The following TAFA1 variants were observed in gnomAD, a reference collection of about 807,000 sequenced individuals.
TAFA1 encodes chemokine-like protein TAFA-1.
Under a neutral mutation model 18.5 loss-of-function variants are expected in TAFA1, and 4 were observed. The observed-to-expected ratio is 0.22, with a 90% CI of 0.11 to 0.49. The LOEUF is 0.49. Among genes scored for constraint, TAFA1 ranks in the 20% least tolerant of loss-of-function variants. The pLI, the probability that TAFA1 is intolerant of heterozygous loss-of-function variation, is 0.98. For missense variants in TAFA1, 147 were observed against 169.0 expected, an observed-to-expected ratio of 0.87 and a Z score of 0.72; for synonymous variants, 56 against 55.2, an observed-to-expected ratio of 1.01 and a Z score of -0.06.
At chr3:68,260,658 A>T (rs1408024339) in intron 2 of TAFA1, among the ~76,000 whole-genome samples, 2 of 152,202 alleles carry the variant, frequency 1.3e-5, no homozygotes, top group Non-Finnish European at 2.9e-5. Flanking sequence ...TGACAAAAAC[A>T]AGAAATAGGG....
At chr3:68,097,450 C>T (rs767790150) in intron 2 of TAFA1, among the ~76,000 whole-genome samples, 1 of 152,128 alleles carries the variant, frequency 6.6e-6, no homozygotes, top group Non-Finnish European at 1.5e-5. Flanking sequence ...CACACCAATA[C>T]TAAACACTTC....
intron 2 of TAFA1, among the ~76,000 whole-genome samples, chr3:68,102,723 C>T (rs1281197369): frequency 6.6e-6 from 1 of 152,216 alleles, no homozygotes; most frequent in Non-Finnish European, 1.5e-5. Context: ...GGCCAGGAGG[C>T]AAGTTATATA....
chr3:68,120,948 A>G (rs2065391454), intron 2 of TAFA1, among the ~76,000 whole-genome samples: 1 of 152,208 alleles, frequency 6.6e-6, no homozygotes, highest in African/African-American at 2.4e-5. Context: ...GAGGCTAATT[A>G]AAGACCATTT....
At chr3:68,381,215 C>T (rs920253983) in intron 2 of TAFA1, among the ~76,000 whole-genome samples, 27 of 151,104 alleles carry the variant, frequency 1.8e-4, no homozygotes, top group African/African-American at 6.6e-4. Flanking sequence ...ATGCCTCCAG[C>T]TTTGTTCTTT....
intron 2 of TAFA1, among the ~76,000 whole-genome samples, chr3:68,162,776 T>C (rs1595489): frequency 0.87 from 132,421 of 152,210 alleles, 58,870 homozygotes; most frequent in South Asian, 0.96. Context: ...AAAGCAAATA[T>C]AATATACTCT....
intron 2 of TAFA1, among the ~76,000 whole-genome samples, chr3:68,122,309 C>G (rs977210293): frequency 2.0e-5 from 3 of 152,120 alleles, no homozygotes; most frequent in African/African-American, 7.2e-5. Context: ...ATGACACCAA[C>G]ACTAGGAGAA....
At chr3:68,378,901 C>T (rs560335621) in intron 2 of TAFA1, among the ~76,000 whole-genome samples, 10 of 152,158 alleles carry the variant, frequency 6.6e-5, no homozygotes, top group Admixed American at 2.0e-4. Flanking sequence ...CCTTCTGCCA[C>T]GTTTCTAAGT....
chr3:68,251,285 C>T (rs1169921447), intron 2 of TAFA1, among the ~76,000 whole-genome samples: 2 of 152,132 alleles, frequency 1.3e-5, no homozygotes, highest in African/African-American at 4.8e-5. Flanking sequence ...AGTTCCCTGC[C>T]CACAGTGTGG....
chr3:68,218,155 C>T (rs1199215062), intron 2 of TAFA1, among the ~76,000 whole-genome samples: 1 of 151,902 alleles, frequency 6.6e-6, no homozygotes, highest in Non-Finnish European at 1.5e-5. Context: ...AAATTCCAGC[C>T]TCTCAGGTCA....
chr3:68,167,383 C>G (rs1343557815), intron 2 of TAFA1, among the ~76,000 whole-genome samples: 1 of 151,954 alleles, frequency 6.6e-6, no homozygotes, highest in East Asian at 1.9e-4. Flanking sequence ...GGAGACCATC[C>G]TGGCTAACAT....
rs1228240883 is a variant in TAFA1 at position 68,231,261 on chromosome 3, C to A, written c.119-186019C>A. 2.6e-5 allele frequency among the ~76,000 whole-genome samples: 4 copies of A among 151,350 alleles called. No individual in the cohort carries two copies. In the East Asian group the frequency reaches 7.7e-4, roughly 29 times the overall value. ...ATTGAACAAATGAACAACTCATTAC[C>A]AACACATAGCTTACACAATTATCCT... On this transcript the variant is annotated intron_variant, in intron 2 of 4. Coordinates refer to ENST00000478136, the MANE Select transcript of TAFA1 (RefSeq NM_213609.4).
intron 2 of TAFA1, among the ~76,000 whole-genome samples, chr3:68,234,905 A>C (rs986137326): frequency 6.6e-6 from 1 of 152,162 alleles, no homozygotes; most frequent in Non-Finnish European, 1.5e-5. Flanking sequence ...CTTTCTGTGA[A>C]TCCTTGGCAG....
intron 2 of TAFA1, among the ~76,000 whole-genome samples, chr3:68,172,398 G>C (rs1158256277): frequency 6.6e-6 from 1 of 152,116 alleles, no homozygotes; most frequent in Non-Finnish European, 1.5e-5. Context: ...GACAACTGTT[G>C]ATAAGGATGG....
intron 2 of TAFA1, among the ~76,000 whole-genome samples, chr3:68,058,936 C>T (rs2064567795): frequency 6.6e-6 from 1 of 152,062 alleles, no homozygotes; most frequent in South Asian, 2.1e-4. Flanking sequence ...TCAGAAGCCA[C>T]CCAGTGATTG....
intron 3 of TAFA1, among the ~76,000 whole-genome samples, chr3:68,515,560 C>T (rs962881283): frequency 6.6e-6 from 1 of 152,102 alleles, no homozygotes; most frequent in Non-Finnish European, 1.5e-5. Context: ...GGAGCAGATG[C>T]TAGGTATGTA....
At chr3:68,509,765 A>C (rs1197236215) in intron 3 of TAFA1, among the ~76,000 whole-genome samples, 1 of 152,142 alleles carries the variant, frequency 6.6e-6, no homozygotes, top group Non-Finnish European at 1.5e-5. Context: ...AGAGAATTAC[A>C]CAAGAAGAGC....
intron 3 of TAFA1, among the ~76,000 whole-genome samples, chr3:68,447,365 A>T (rs1240011534): frequency 2.6e-5 from 4 of 152,176 alleles, no homozygotes; most frequent in African/African-American, 9.6e-5. Context: ...TCTAAAAACC[A>T]AACTGTTGGC....
At chr3:68,192,851 A>T (rs1265220717) in intron 2 of TAFA1, among the ~76,000 whole-genome samples, 2 of 151,902 alleles carry the variant, frequency 1.3e-5, no homozygotes, top group South Asian at 4.1e-4. Context: ...CTGAGACCTG[A>T]AACTTGACTA....
At chr3:68,026,114 A>C (rs1187751013) in intron 2 of TAFA1, among the ~76,000 whole-genome samples, 2 of 152,150 alleles carry the variant, frequency 1.3e-5, no homozygotes, top group East Asian at 1.9e-4. Context: ...ATCTAACGTA[A>C]GTATTTACAT....
Sources: allele counts gnomAD v4.1 joint callset (sites outside exome capture counted in the v4.1 genomes callset), GRCh38; gene constraint gnomAD v4.1.1; transcripts MANE v1.5; gene names NCBI Gene and HGNC (gene_info 2026-07-23, HGNC 2026-07-21).